Variants in PICALM observed in about 807,000 individuals in gnomAD.
The protein encoded by PICALM is phosphatidylinositol binding clathrin assembly protein.
PICALM carries 40 observed loss-of-function variants against 80.5 expected under a neutral mutation model. The ratio of observed to expected loss-of-function variants is 0.50; its 90% CI spans 0.39 to 0.65. PICALM has a LOEUF of 0.65. PICALM is among the 30% of genes least tolerant of loss of function. PICALM has a pLI of 0.00. For missense variants in PICALM, 676 were observed against 778.9 expected (o/e 0.87, Z 1.57); for synonymous variants, 288 against 260.3 (o/e 1.11, Z -1.02).
chr11:86,005,440 C>G (rs962712142), intron 8 of PICALM, among the ~76,000 whole-genome samples: 4 of 152,108 alleles, frequency 2.6e-5, no homozygotes, highest in Admixed American at 6.5e-5. Context: ...TGACTCACAC[C>G]TGTAATCCCA....
chr11:85,968,493 T>C (rs1457899086), intron 19 of PICALM, among the ~76,000 whole-genome samples: 2 of 152,126 alleles, frequency 1.3e-5, no homozygotes, highest in Admixed American at 6.5e-5. Context: ...GCTTCAAAAA[T>C]ACCTAAACTG....
At chr11:85,982,476 G>A (rs552570156) in intron 14 of PICALM, among the ~76,000 whole-genome samples, 54 of 120,740 alleles carry the variant, frequency 4.5e-4, no homozygotes, top group African/African-American at 1.5e-3. Context: ...GTCGGACTGC[G>A]GACTGCAGTG....
At chr11:85,982,227 A>C (rs1314741475) in intron 14 of PICALM, 1 of 475,848 alleles carries the variant, frequency 2.1e-6, no homozygotes, top group Non-Finnish European at 3.8e-6. Context: ...CTCTTATCTC[A>C]TGACAAAATT....
At chr11:86,038,547 C>A (rs540675587) in intron 1 of PICALM, among the ~76,000 whole-genome samples, 4 of 151,700 alleles carry the variant, frequency 2.6e-5, no homozygotes, top group Middle Eastern at 3.4e-3. Context: ...CTTTGGGAGA[C>A]CGAGGCGGGT....
intron 1 of PICALM, among the ~76,000 whole-genome samples, chr11:86,039,726 T>C (rs1403664535): frequency 6.6e-6 from 1 of 151,986 alleles, no homozygotes; most frequent in African/African-American, 2.4e-5. Flanking sequence ...TTGTGTTGGG[T>C]GTCTTCAGAA....
At chr11:86,039,596 C>G (rs997943349) in intron 1 of PICALM, among the ~76,000 whole-genome samples, 4 of 152,104 alleles carry the variant, frequency 2.6e-5, no homozygotes, top group African/African-American at 9.7e-5. Context: ...TAACAAAGTT[C>G]TTCCTGAAGA....
Position 85,958,967 on chromosome 11 carries a change from G to T in PICALM, c.*79C>A. 1 of 1,035,658 alleles carries T rather than the reference G, an allele frequency of 9.7e-7. No homozygotes were observed. Among genetic ancestry groups the T allele is most frequent in the Non-Finnish European group, 1.5e-6 (1 of 676,560 alleles). The allele number at this position is 1,035,658 out of a possible 1,614,324, so 64.2% of individuals were successfully genotyped here. A position where few individuals can be genotyped will look rare whatever the true frequency, so the allele number is the denominator to read the frequency against. On this transcript the variant is annotated 3_prime_UTR_variant, in exon 20 of 20. Coordinates refer to ENST00000393346, the MANE Select transcript of PICALM (RefSeq NM_007166.4). The stretch of plus-strand genomic sequence containing the variant: ...AGTTTAAGAGATTTAAGAGACAGCA[G>T]TTTGGATTTTGCTGGAAGTAAGGAT...
chr11:86,000,885 T>G (rs1209139619), intron 10 of PICALM, 106 bp from the exon 11 acceptor site: 2 of 1,483,964 alleles, frequency 1.3e-6, no homozygotes, highest in East Asian at 4.5e-5. Context: ...TATTCTGTTT[T>G]ACCTAATTCT....
At chr11:86,065,077 C>CA (rs1159690444) in intron 1 of PICALM, among the ~76,000 whole-genome samples, 1 of 150,762 alleles carries the variant, frequency 6.6e-6, no homozygotes, top group Non-Finnish European at 1.5e-5. Flanking sequence ...ACCCTGTATC[C>CA]AAAAAAAGGG....
intron 14 of PICALM, among the ~76,000 whole-genome samples, chr11:85,983,507 C>T: frequency 6.6e-6 from 1 of 152,174 alleles, no homozygotes; most frequent in East Asian, 1.9e-4. Flanking sequence ...CAATTTCATA[C>T]ATTAAGAGAC....
chr11:86,058,802 A>C (rs571623147), intron 1 of PICALM, among the ~76,000 whole-genome samples: 2 of 152,298 alleles, frequency 1.3e-5, no homozygotes, highest in East Asian at 3.9e-4. Flanking sequence ...CTTTCATACA[A>C]AAAGGTGTGA....
In PICALM at chr11:86,000,643, C is replaced by T; in HGVS notation, c.1154G>A (p.Ser385Asn). Reference sequence around the variant, plus strand: ...AGGTAACCTTAACTTCTACTCCTACCTGTTAGAAGAACTAGGGGTAGAAAA... The same window carrying T: ...AGGTAACCTTAACTTCTACTCCTACTTGTTAGAAGAACTAGGGGTAGAAAA... ...DIFSTPSSSN[S>N]TSKLPNDLLD... Residue 385 changes from serine to asparagine, a missense_variant and splice_region_variant, in exon 11 of 20, where the codon AGC (serine) becomes AAC (asparagine). Transcript: ENST00000393346. 6.2e-7 allele frequency: 1 copy of T among 1,610,534 alleles called. No homozygotes were observed. The highest frequency in any genetic ancestry group is 8.5e-7 in the Non-Finnish European group (1 of 1,178,960).
At position 86,043,760 on chromosome 11, in the gene PICALM, G is replaced by A. The variant is rs539136208; in HGVS notation, c.131-12149C>T. Reference sequence around the variant, plus strand: ...AGCGAAAAAGCCTTCCCTGTAGGTAGGTTAAAGTTTTTCGTTAAGAGCCAA... The same window carrying A: ...AGCGAAAAAGCCTTCCCTGTAGGTAAGTTAAAGTTTTTCGTTAAGAGCCAA... On this transcript the variant is annotated intron_variant, in intron 1 of 19. Coordinates refer to ENST00000393346, the MANE Select transcript of PICALM (RefSeq NM_007166.4). Among the ~76,000 whole-genome samples the A allele has an allele frequency of 8.5e-5, 13 of 152,316 alleles. 1 individual carries two copies. The South Asian group carries it at 2.7e-3, about 32-fold the overall frequency.
rs142410273 is a variant in PICALM, at chr11:85,965,807, G to GTTTTTT, written c.1945-6753_1945-6748dup. Among the ~76,000 whole-genome samples, 62 of 79,254 alleles carry GTTTTTT rather than the reference G, an allele frequency of 7.8e-4. 5 individuals are homozygous for GTTTTTT. Among genetic ancestry groups the GTTTTTT allele is most frequent in the South Asian group, 2.2e-3 (5 of 2,230 alleles). 52.0% of individuals were successfully genotyped at this position (79,254 alleles called of 152,430 possible). A position where few individuals can be genotyped will look rare whatever the true frequency, so the allele number is the denominator to read the frequency against. On this transcript the variant is annotated intron_variant, in intron 19 of 19. Coordinates refer to ENST00000393346, the MANE Select transcript of PICALM (RefSeq NM_007166.4). ...TCACCTTGAATGCATTACCCATTTT[G>GTTTTTT]TTTTTTTGTTTTTTTTTTTTTTTTT...
chr11:85,992,534 C>T (rs1453644209), intron 12 of PICALM, among the ~76,000 whole-genome samples: 1 of 152,090 alleles, frequency 6.6e-6, no homozygotes, highest in Non-Finnish European at 1.5e-5. Context: ...GATCCACCCG[C>T]CTTGGCCTCC....
chr11:86,043,727 AG>A (rs1394306460), intron 1 of PICALM, among the ~76,000 whole-genome samples: 1 of 152,218 alleles, frequency 6.6e-6, no homozygotes, highest in Admixed American at 6.5e-5. Flanking sequence ...GACAGAAGTA[AG>A]GGTAACAGCG....
In PICALM at chr11:86,068,972, A is replaced by G. The variant is rs1310000350; in HGVS notation, c.-192T>C. 9.0e-6 allele frequency: 6 copies of G among 666,400 alleles called. No individual in the cohort carries two copies. The highest frequency in any genetic ancestry group is 3.7e-5 in the African/African-American group (2 of 53,724). 41.3% of individuals were successfully genotyped at this position (666,400 alleles called of 1,614,324 possible). The stretch of plus-strand genomic sequence containing the variant: ...GAGAACCGGCTCGTGTCACCCGCGG[A>G]GTCGGACAAGATGTCGGGCACTCCC... On this transcript the variant is annotated 5_prime_UTR_variant, in exon 1 of 20. Transcript: ENST00000393346.
At chr11:86,016,238 T>C (rs1208088503) in intron 4 of PICALM, among the ~76,000 whole-genome samples, 1 of 152,200 alleles carries the variant, frequency 6.6e-6, no homozygotes, top group Non-Finnish European at 1.5e-5. Flanking sequence ...ATCCAACACC[T>C]TGATGTCAAA....
At chr11:86,012,079 T>C (rs930717905) in intron 6 of PICALM, among the ~76,000 whole-genome samples, 1 of 152,184 alleles carries the variant, frequency 6.6e-6, no homozygotes, top group Non-Finnish European at 1.5e-5. Flanking sequence ...ATAAAGTTCA[T>C]CTTGCTGAAC....
Sources: allele counts gnomAD v4.1 joint callset (sites outside exome capture counted in the v4.1 genomes callset), GRCh38; gene constraint gnomAD v4.1.1; transcripts MANE v1.5; gene names NCBI Gene and HGNC (gene_info 2026-07-23, HGNC 2026-07-21).